The following ZCCHC4 variants were observed in gnomAD, a reference collection of about 807,000 sequenced individuals.
ZCCHC4 encodes rRNA N(6)-adenosine-methyltransferase ZCCHC4.
A neutral mutation model predicts 67.7 loss-of-function variants in ZCCHC4; 54 were observed. The observed-to-expected ratio is 0.80, with a 90% CI of 0.64 to 1.00. The LOEUF (loss-of-function observed/expected upper bound fraction) is 1.00, where lower values mean the gene tolerates loss of function less well. ZCCHC4 is among the 50% of genes least tolerant of loss of function. The pLI is 0.00. For missense variants in ZCCHC4, 609 were observed against 617.0 expected (o/e 0.99, Z 0.14); for synonymous variants, 198 against 213.5 (o/e 0.93, Z 0.63).
intron 3 of ZCCHC4, among the ~76,000 whole-genome samples, chr4:25,317,704 C>CAAAAAAAAA (rs778867924): frequency 5.7e-4 from 41 of 72,310 alleles, no homozygotes; most frequent in African/African-American, 6.9e-4. Context: ...GACGCTGTCA[C>CAAAAAAAAA]AAAAAAAAAA....
chr4:25,356,061 T>G lies in ZCCHC4; in HGVS notation c.1011+4372T>G, dbSNP rs57287199. Among the ~76,000 whole-genome samples, 25 of 152,364 alleles carry G rather than the reference T, an allele frequency of 1.6e-4. No individual in the cohort carries two copies. The East Asian group carries it at 3.7e-3, about 22-fold the overall frequency. On this transcript the variant is annotated intron_variant, in intron 8 of 12. Transcript: ENST00000302874. ...ATGGACGTCTCGGTCTCCATTTAAC[T>G]AGTTTCAGTCTCATGTTACAGAAGA...
chr4:25,361,753 C>CT, intron 8 of ZCCHC4, 106 bp from the exon 9 acceptor site: 1 of 1,194,284 alleles, frequency 8.4e-7, no homozygotes. Flanking sequence ...ATGACAAATA[C>CT]TTTAACTCAT....
chr4:25,326,370 G>A (rs986971253), intron 3 of ZCCHC4, among the ~76,000 whole-genome samples: 3 of 152,216 alleles, frequency 2.0e-5, no homozygotes, highest in Non-Finnish European at 2.9e-5. Flanking sequence ...CTTAAGATCC[G>A]TCACTTCATG....
Position 25,333,984 on chromosome 4 carries a change from T to A in ZCCHC4, c.682T>A (p.Phe228Ile). 1 of 1,588,144 alleles carries A rather than the reference T, an allele frequency of 6.3e-7. No homozygotes were observed. The highest frequency in any genetic ancestry group is 1.9e-5 in the Admixed American group (1 of 53,534). The change falls in exon 5 of 13, where the codon TTT becomes ATT. Residue 228 changes from phenylalanine to isoleucine, a missense_variant. Phe to Ile is a conservative substitution (Grantham distance 21). Transcript: ENST00000302874. ...TAAAAGCCTTTTATTGGATATTGAT[T>A]TTCGGTAGGTTTACAAAATACAGTA... The part of the protein sequence containing the change: ...NIKSLLLDID[F>I]RYSQFYMEDS...
chr4:25,348,213 T>C (rs1161533464), intron 6 of ZCCHC4, among the ~76,000 whole-genome samples: 1 of 152,198 alleles, frequency 6.6e-6, no homozygotes, highest in Admixed American at 6.5e-5. Flanking sequence ...CATCCTCTGC[T>C]GTAGGAGTTC....
At position 25,359,002 on chromosome 4, in the gene ZCCHC4, C is replaced by A. The variant is rs371995467; in HGVS notation, c.1012-2857C>A. ...GTTTGGGCTGAAACCTGACACTTGGCGTGACAATTGACATCACGAACAGGA... is the reference window on the plus strand; with the variant it reads ...GTTTGGGCTGAAACCTGACACTTGGAGTGACAATTGACATCACGAACAGGA... On this transcript the variant is annotated intron_variant, in intron 8 of 12. Coordinates refer to ENST00000302874, the MANE Select transcript of ZCCHC4 (RefSeq NM_024936.3). This position sits in a 1 kb window ranked among gnomAD's most constrained non-coding sequence, Gnocchi z 4.9. 6.6e-6 allele frequency among the ~76,000 whole-genome samples: 1 copy of A among 152,134 alleles called. No individual in the cohort carries two copies. Among genetic ancestry groups the A allele is most frequent in the African/African-American group, 2.4e-5 (1 of 41,402 alleles).
At chr4:25,347,398 G>A (rs1577342874) in intron 6 of ZCCHC4, among the ~76,000 whole-genome samples, 2 of 152,110 alleles carry the variant, frequency 1.3e-5, no homozygotes, top group Admixed American at 6.5e-5. Flanking sequence ...TACAATAATG[G>A]TTGGAATAAG....
At chr4:25,366,542 T>G (rs969217960) in intron 12 of ZCCHC4, among the ~76,000 whole-genome samples, 1 of 152,186 alleles carries the variant, frequency 6.6e-6, no homozygotes, top group Non-Finnish European at 1.5e-5. Flanking sequence ...GGTCTTGATC[T>G]CCTGACCTCG....
intron 6 of ZCCHC4, among the ~76,000 whole-genome samples, chr4:25,347,133 G>A (rs1720063717): frequency 6.6e-6 from 1 of 152,192 alleles, no homozygotes; most frequent in Admixed American, 6.5e-5. Context: ...CGTAGTAAAT[G>A]AGGAAGTAAT....
chr4:25,347,420 G>A (rs549838828), intron 6 of ZCCHC4, among the ~76,000 whole-genome samples: 2 of 152,238 alleles, frequency 1.3e-5, no homozygotes, highest in East Asian at 1.9e-4. Context: ...TGCCAAGATT[G>A]AGCCCCACTT....
intron 3 of ZCCHC4, among the ~76,000 whole-genome samples, chr4:25,331,275 T>C (rs961629728): frequency 6.6e-6 from 1 of 152,218 alleles, no homozygotes; most frequent in African/African-American, 2.4e-5. Flanking sequence ...TGGTCTCTGT[T>C]ACTCCATCAT....
chr4:25,349,503 A>G lies in ZCCHC4; in HGVS notation c.771A>G (p.Glu257=). 1 of 1,613,838 alleles carries G rather than the reference A, an allele frequency of 6.2e-7. No homozygotes were observed. Among genetic ancestry groups the G allele is most frequent in the Non-Finnish European group, 8.5e-7 (1 of 1,179,842 alleles). Residue 257 remains glutamate, a synonymous_variant, in exon 7 of 13, where the codon GAA becomes GAG. Transcript: ENST00000302874. ...TTTATTTGTTCCAGACTGCCCTTGA[A>G]GTATGCAGAGCATTTTTACAGGAAG... ...HHFFDGKTAL[E]VCRAFLQEDK...
intron 8 of ZCCHC4, among the ~76,000 whole-genome samples, chr4:25,357,130 A>G (rs955839154): frequency 7.9e-5 from 12 of 152,228 alleles, no homozygotes; most frequent in East Asian, 5.8e-4. Context: ...TCCTAGTTCT[A>G]TTCTCTGAAG....
At position 25,340,595 on chromosome 4, in the gene ZCCHC4, T is replaced by C. The variant is rs368281993; in HGVS notation, c.687-4953T>C. On this transcript the variant is annotated intron_variant, in intron 5 of 12. Coordinates refer to ENST00000302874, the MANE Select transcript of ZCCHC4 (RefSeq NM_024936.3). ...TAGATTAATTTGGGGAATATTGCCA[T>C]CTTAATATTAAGTTGTCCAGTCCAT... 3.2e-3 allele frequency among the ~76,000 whole-genome samples: 486 copies of C among 152,320 alleles called. 2 individuals are homozygous for C. The highest frequency in any genetic ancestry group is 0.011 in the African/African-American group (474 of 41,574).
At chr4:25,337,261 T>C (rs940133011) in intron 5 of ZCCHC4, among the ~76,000 whole-genome samples, 1 of 152,248 alleles carries the variant, frequency 6.6e-6, no homozygotes, top group Non-Finnish European at 1.5e-5. Flanking sequence ...GTCTGGGATA[T>C]AGCAGGCTTT....
intron 3 of ZCCHC4, among the ~76,000 whole-genome samples, chr4:25,315,713 T>G (rs1367660228): frequency 3.2e-4 from 5 of 15,718 alleles, no homozygotes; most frequent in South Asian, 2.0e-3. Context: ...TTTTTGTGTG[T>G]TTTTTTTTTT....
intron 6 of ZCCHC4, among the ~76,000 whole-genome samples, chr4:25,347,215 A>G (rs1053012047): frequency 6.6e-6 from 1 of 152,226 alleles, no homozygotes; most frequent in Admixed American, 6.5e-5. Context: ...TTTTAATACC[A>G]TACTATGGTT....
At chr4:25,366,746 G>A (rs1325634345) in intron 12 of ZCCHC4, among the ~76,000 whole-genome samples, 1 of 152,204 alleles carries the variant, frequency 6.6e-6, no homozygotes, top group Non-Finnish European at 1.5e-5. Context: ...AACGTGCTCA[G>A]CCTTTAATTC....
intron 6 of ZCCHC4, 93 bp downstream of exon 6, chr4:25,345,713 G>A: frequency 1.2e-6 from 1 of 809,894 alleles, no homozygotes; most frequent in Non-Finnish European, 2.0e-6. Flanking sequence ...TTCCCTCAAG[G>A]TCAAATTGTG....
Sources: allele counts gnomAD v4.1 joint callset (sites outside exome capture counted in the v4.1 genomes callset), GRCh38; gene constraint gnomAD v4.1.1; non-coding constraint Gnocchi (gnomAD v3.1); transcripts MANE v1.5; gene names NCBI Gene and HGNC (gene_info 2026-07-23, HGNC 2026-07-21).